Variants in GRIK2 observed in about 807,000 individuals in gnomAD.
The protein encoded by GRIK2 is glutamate receptor ionotropic, kainate 2.
In GRIK2, 32 loss-of-function variants were observed where a neutral mutation model predicts 100.3. The observed-to-expected ratio is 0.32, with a 90% CI of 0.24 to 0.43. GRIK2 has a LOEUF of 0.43. Ranked by LOEUF, GRIK2 falls within the 20% of genes least tolerant of loss-of-function variation. The pLI is 1.00. For synonymous variants in GRIK2, 417 were observed against 389.4 expected, an observed-to-expected ratio of 1.07 and a Z score of -0.83; for missense variants, 843 against 1,114.9, an observed-to-expected ratio of 0.76 and a Z score of 3.47.
intron 12 of GRIK2, among the ~76,000 whole-genome samples, chr6:101,897,855 C>G (rs1787572127): frequency 6.6e-6 from 1 of 151,568 alleles, no homozygotes; most frequent in African/African-American, 2.4e-5. Context: ...TCTTTAATGC[C>G]AAACATGACA....
chr6:101,427,979 T>C (rs1268459333), intron 2 of GRIK2, among the ~76,000 whole-genome samples: 1 of 152,218 alleles, frequency 6.6e-6, no homozygotes, highest in Non-Finnish European at 1.5e-5. Context: ...AACCTTCAGA[T>C]GTATGTACTC....
intron 10 of GRIK2, among the ~76,000 whole-genome samples, chr6:101,849,008 T>C (rs1449610922): frequency 6.6e-6 from 1 of 151,970 alleles, no homozygotes; most frequent in African/African-American, 2.4e-5. Context: ...TCCATGAAAA[T>C]TTTATCTAAT....
chr6:101,605,893 T>C (rs1288772510), intron 2 of GRIK2, among the ~76,000 whole-genome samples: 1 of 152,046 alleles, frequency 6.6e-6, no homozygotes, highest in African/African-American at 2.4e-5. Context: ...GGTAGAAATA[T>C]AATTACTGGA....
At chr6:101,892,753 G>A (rs1044636764) in intron 12 of GRIK2, among the ~76,000 whole-genome samples, 2 of 151,672 alleles carry the variant, frequency 1.3e-5, no homozygotes, top group Admixed American at 6.6e-5. Context: ...TATAATATTA[G>A]AGATTCTTGG....
At chr6:101,499,550 T>C (rs1392453382) in intron 2 of GRIK2, among the ~76,000 whole-genome samples, 1 of 152,154 alleles carries the variant, frequency 6.6e-6, no homozygotes, top group Non-Finnish European at 1.5e-5. Flanking sequence ...ATTTCCTACC[T>C]TATCTTTTTA....
intron 2 of GRIK2, among the ~76,000 whole-genome samples, chr6:101,570,907 G>A (rs1399885961): frequency 6.6e-6 from 1 of 152,124 alleles, no homozygotes; most frequent in Non-Finnish European, 1.5e-5. Context: ...ACATGAAAAG[G>A]TAAATTAAAT....
At chr6:101,737,606 G>A (rs1212181602) in intron 7 of GRIK2, among the ~76,000 whole-genome samples, 1 of 152,166 alleles carries the variant, frequency 6.6e-6, no homozygotes, top group Non-Finnish European at 1.5e-5. Flanking sequence ...TCCACAACAT[G>A]TGGCAATTAT....
At chr6:102,023,234 AAGAG>A (rs1192374199) in intron 14 of GRIK2, among the ~76,000 whole-genome samples, 1 of 151,530 alleles carries the variant, frequency 6.6e-6, no homozygotes, top group Non-Finnish European at 1.5e-5. Context: ...TTGTGAAGGG[AAGAG>A]AGAAAGTATG....
chr6:101,900,956 T>C (rs12205848), intron 12 of GRIK2, among the ~76,000 whole-genome samples: 14,319 of 151,684 alleles, frequency 0.094, 826 homozygotes, highest in Middle Eastern at 0.2. Flanking sequence ...TTATTAGAAA[T>C]CTCTTGACCT....
At position 101,908,716 on chromosome 6, in the gene GRIK2, G is replaced by T. The variant is rs540944265; in HGVS notation, c.1749-15885G>T. Among the ~76,000 whole-genome samples the T allele has an allele frequency of 2.0e-5, 3 of 151,358 alleles. No individual in the cohort carries two copies. In the East Asian group the frequency reaches 5.8e-4, roughly 29 times the overall value. ...GCAAAGTGTAATATGTTTAACAAAT[G>T]AGTGCATACATTCAAGTAAAAATAT... is the stretch of plus-strand genomic sequence containing the variant. On this transcript the variant is annotated intron_variant, in intron 12 of 16. Transcript: ENST00000369134.
intron 14 of GRIK2, among the ~76,000 whole-genome samples, chr6:101,980,433 A>C (rs1046985243): frequency 6.6e-6 from 1 of 151,958 alleles, no homozygotes; most frequent in Non-Finnish European, 1.5e-5. Flanking sequence ...TAGTGTCAGA[A>C]GAATTTGAAA....
At chr6:102,033,636 A>G (rs182350905) in intron 14 of GRIK2, among the ~76,000 whole-genome samples, 3 of 151,428 alleles carry the variant, frequency 2.0e-5, no homozygotes, top group Admixed American at 1.3e-4. Flanking sequence ...AGATAATCAT[A>G]TTTCTTAAAC....
intron 1 of GRIK2, 164 bp from the exon 2 acceptor site, chr6:101,398,821 C>G (rs976686265): frequency 7.7e-6 from 3 of 391,582 alleles, no homozygotes; most frequent in African/African-American, 4.1e-5. Context: ...CTCACTTAAT[C>G]TTGGCTTCAC....
chr6:101,698,911 G>A (rs184768215), intron 7 of GRIK2, among the ~76,000 whole-genome samples: 2 of 152,206 alleles, frequency 1.3e-5, no homozygotes, highest in East Asian at 3.9e-4. Flanking sequence ...ACTTGAGAAT[G>A]TTATGTGCCC....
At chr6:101,557,383 G>A (rs1271943451) in intron 2 of GRIK2, among the ~76,000 whole-genome samples, 2 of 151,962 alleles carry the variant, frequency 1.3e-5, no homozygotes, top group Non-Finnish European at 2.9e-5. Flanking sequence ...AATATCTCTG[G>A]GTTATTAAAC....
chr6:101,729,215 C>A (rs1454058545), intron 7 of GRIK2, among the ~76,000 whole-genome samples: 1 of 151,962 alleles, frequency 6.6e-6, no homozygotes, highest in Non-Finnish European at 1.5e-5. Flanking sequence ...AAGTAAAAAC[C>A]ATTTAGCATC....
chr6:101,972,235 T>C (rs959140798), intron 14 of GRIK2, among the ~76,000 whole-genome samples: 1 of 152,036 alleles, frequency 6.6e-6, no homozygotes, highest in Non-Finnish European at 1.5e-5. Flanking sequence ...GTATAAGCAT[T>C]CCTATTTCTC....
At chr6:101,432,090 C>G (rs1338848594) in intron 2 of GRIK2, among the ~76,000 whole-genome samples, 1 of 151,834 alleles carries the variant, frequency 6.6e-6, no homozygotes, top group African/African-American at 2.4e-5. Context: ...AATTGTTGCT[C>G]TTCTCATTAG....
intron 7 of GRIK2, among the ~76,000 whole-genome samples, chr6:101,745,970 G>A (rs1776396632): frequency 6.6e-6 from 1 of 152,100 alleles, no homozygotes. Flanking sequence ...AGATTATTCA[G>A]AATGTCAAGA....
Sources: allele counts gnomAD v4.1 joint callset (sites outside exome capture counted in the v4.1 genomes callset), GRCh38; gene constraint gnomAD v4.1.1; transcripts MANE v1.5; gene names NCBI Gene and HGNC (gene_info 2026-07-23, HGNC 2026-07-21).